The following MUC5AC variants were observed in gnomAD, a reference collection of about 807,000 sequenced individuals.
MUC5AC encodes the protein mucin-5AC.
Under a neutral mutation model 169.7 loss-of-function variants are expected in MUC5AC, and 158 were observed. That is an observed-to-expected ratio of 0.93 (90% CI 0.82 to 1.06). MUC5AC has a LOEUF of 1.06. MUC5AC is among the 50% of genes least tolerant of loss of function. The pLI is 0.00. For synonymous variants in MUC5AC, 1,975 were observed against 1,237.0 expected, an observed-to-expected ratio of 1.60 and a Z score of -12.52; for missense variants, 4,359 against 3,089.9, an observed-to-expected ratio of 1.41 and a Z score of -9.74.
At chr11:1,171,815 C>T (rs2133737138) in intron 15 of MUC5AC, among the ~76,000 whole-genome samples, 1 of 147,264 alleles carries the variant, frequency 6.8e-6, no homozygotes, top group East Asian at 2.1e-4. Flanking sequence ...CATTCACTCA[C>T]TCACCCACTC....
rs1320744673 is a variant in MUC5AC, at chr11:1,175,152, T to A, written c.2348+15T>A. ...GGGGCTATCTGGTAAGAGCTCCCGC[T>A]GTGGACTGGGGGGTCCCTCGTGTCT... On this transcript the variant is annotated intron_variant, in intron 18 of 48. Coordinates refer to ENST00000621226, the MANE Select transcript of MUC5AC (RefSeq NM_001304359.2). 6.0e-6 allele frequency: 2 copies of A among 331,142 alleles called. No homozygotes were observed. Among genetic ancestry groups the A allele is most frequent in the African/African-American group, 4.9e-5 (2 of 40,538 alleles). 20.5% of individuals were successfully genotyped at this position (331,142 alleles called of 1,614,324 possible).
chr11:1,167,859 G>T lies in MUC5AC; in HGVS notation c.1387-18G>T, dbSNP rs1382228520. The T allele has an allele frequency of 1.9e-6, 3 of 1,547,114 alleles. No individual in the cohort carries two copies. The Admixed American group carries it at 5.9e-5, about 30-fold the overall frequency. ...GTTGGATGGAGTGTGAGGACCCCTG[G>T]TGTGTCGTGTTCCGCAGCCCTGTGA... On this transcript the variant is annotated intron_variant, in intron 11 of 48. Transcript: ENST00000621226.
At position 1,194,535 on chromosome 11, in the gene MUC5AC, A is replaced by C. The variant is rs762696801; in HGVS notation, c.15055A>C (p.Ile5019Leu). The C allele has an allele frequency of 1.3e-6, 1 of 763,672 alleles. No homozygotes were observed. The highest frequency in any genetic ancestry group is 2.4e-6 in the Non-Finnish European group (1 of 416,984). 47.3% of individuals were successfully genotyped at this position (763,672 alleles called of 1,614,324 possible). Residue 5019 changes from isoleucine (I) to leucine (L), a missense_variant, in exon 35 of 49, where the codon ATC becomes CTC. By Grantham distance (5) the Ile-to-Leu change is conservative (BLOSUM62 2). Transcript: ENST00000621226. The stretch of plus-strand genomic sequence containing the variant: ...CAGCCCCGGCTTCCGGAAAAACGGC[A>C]TCGTGGTCTCGCGCATCGGCGTCAA... ...VVSPGFRKNG[I>L]VVSRIGVKMY...
rs1304495285 is a variant in MUC5AC, at chr11:1,186,166, C to T, written c.8021C>T (p.Thr2674Ile). The change falls in exon 31 of 49, where the codon ACC (threonine) becomes ATC (isoleucine). Residue 2674 changes from threonine to isoleucine, a missense_variant. Physicochemically the swap from Thr to Ile is moderately conservative, Grantham distance 89. Coordinates refer to ENST00000621226, the MANE Select transcript of MUC5AC (RefSeq NM_001304359.2). ...ACCAGCACAATCTCTGTTCCTACCA[C>T]CAGCACAACTTCTGCTTCTACAACC... The part of the protein sequence containing the change: ...PTTSTISVPT[T>I]STTSASTTST... The T allele has an allele frequency of 8.0e-6, 6 of 747,618 alleles. No individual in the cohort carries two copies. Among genetic ancestry groups the T allele is most frequent in the Non-Finnish European group, 1.5e-5 (6 of 408,480 alleles). The allele number at this position is 747,618 out of a possible 1,614,324, so 46.3% of individuals were successfully genotyped here.
At chr11:1,193,928 C>G (rs1416400556) in intron 33 of MUC5AC, among the ~76,000 whole-genome samples, 182 bp from the exon 34 acceptor site, 1 of 152,244 alleles carries the variant, frequency 6.6e-6, no homozygotes, top group African/African-American at 2.4e-5. Flanking sequence ...TGTCAAGCGC[C>G]CGCTGGATGG....
Position 1,195,872 on chromosome 11 carries a change from A to AACCC in MUC5AC, c.15459-4_15459-3insACCC. On this transcript the variant is annotated splice_region_variant and splice_polypyrimidine_tract_variant and intron_variant, in intron 36 of 48. Coordinates refer to ENST00000621226, the MANE Select transcript of MUC5AC (RefSeq NM_001304359.2). ...ACCCAGCACCCTGCCCATCCCTCCC[A>AACCC]CAGGGTCTTTGAGCCGTGCCACACT... The AACCC allele has an allele frequency of 1.5e-6, 1 of 685,772 alleles. No homozygotes were observed. Among genetic ancestry groups the AACCC allele is most frequent in the Non-Finnish European group, 2.7e-6 (1 of 370,558 alleles). 42.5% of individuals were successfully genotyped at this position (685,772 alleles called of 1,614,324 possible). A position where few individuals can be genotyped will look rare whatever the true frequency, so the allele number is the denominator to read the frequency against.
At position 1,189,513 on chromosome 11, in the gene MUC5AC, A is replaced by G. The variant is rs2133763991; in HGVS notation, c.11368A>G (p.Ser3790Gly). Residue 3790 changes from serine to glycine, a missense_variant, in exon 31 of 49, where the codon AGC becomes GGC. Transcript: ENST00000621226. ...TTSTTSAPIT[S>G]TISAPTTSTT... ...TAGCACTACCTCTGCTCCCATAACCAGCACAATCTCTGCCCCTACAACCAG... is the reference window on the plus strand; with the variant it reads ...TAGCACTACCTCTGCTCCCATAACCGGCACAATCTCTGCCCCTACAACCAG... The G allele has an allele frequency of 1.7e-6, 1 of 596,744 alleles. No individual in the cohort carries two copies. Among genetic ancestry groups the G allele is most frequent in the South Asian group, 2.1e-5 (1 of 46,746 alleles). The allele number at this position is 596,744 out of a possible 1,614,324, so 37.0% of individuals were successfully genotyped here.
Position 1,173,898 on chromosome 11 carries a change from A to AC in MUC5AC, c.1966-598_1966-597insC, listed in dbSNP as rs1440337882. Among the ~76,000 whole-genome samples the AC allele has an allele frequency of 2.2e-3, 304 of 141,072 alleles. 5 individuals are homozygous for AC. The highest frequency in any genetic ancestry group is 7.3e-3 in the African/African-American group (271 of 37,288). The allele number at this position is 141,072 out of a possible 152,430, so 92.5% of individuals were successfully genotyped here. On this transcript the variant is annotated intron_variant, in intron 16 of 48. Transcript: ENST00000621226. ...CACTCACCCACTCACTCATCCACTC[A>AC]TTACTCATCCACTCACTTACTCATC...
At position 1,190,701 on chromosome 11, in the gene MUC5AC, A is replaced by G. The variant is rs1393403518; in HGVS notation, c.12556A>G (p.Ile4186Val). Residue 4186 changes from isoleucine (I) to valine (V), a missense_variant, in exon 31 of 49, where the codon ATC (isoleucine) becomes GTC (valine). Ile to Val is a conservative substitution (Grantham distance 29). Coordinates refer to ENST00000621226, the MANE Select transcript of MUC5AC (RefSeq NM_001304359.2). Reference protein sequence around the residue: ...STISASTTSTISAPTTSTISS... With the variant: ...STISASTTSTVSAPTTSTISS... ...AATCTCTGCCTCTACAACCAGCACAATCTCTGCCCCTACAACCAGCACAAT... is the reference window on the plus strand; with the variant it reads ...AATCTCTGCCTCTACAACCAGCACAGTCTCTGCCCCTACAACCAGCACAAT... 2 of 697,026 alleles carry G rather than the reference A, an allele frequency of 2.9e-6. No homozygotes were observed. The highest frequency in any genetic ancestry group is 2.0e-5 in the Admixed American group (1 of 49,742). The allele number at this position is 697,026 out of a possible 1,614,324, so 43.2% of individuals were successfully genotyped here.
Position 1,168,978 on chromosome 11 carries a change from A to C in MUC5AC, c.1822A>C (p.Asn608His), listed in dbSNP as rs1860414570. The change falls in exon 15 of 49, where the codon AAC becomes CAC. Residue 608 changes from asparagine to histidine, a missense_variant. Physicochemically the swap from Asn to His is moderately conservative, Grantham distance 68. Transcript: ENST00000621226. Reference protein sequence around the residue: ...NTFKTQAACPNIRNSFEDPCS... With the variant: ...NTFKTQAACPHIRNSFEDPCS... ...CTTCAAGACCCAGGCCGCCTGCCCC[A>C]ACATCAGGAACAGCTTCGAGGACCC... 1 of 1,609,764 alleles carries C rather than the reference A, an allele frequency of 6.2e-7. No homozygotes were observed. The highest frequency in any genetic ancestry group is 8.5e-7 in the Non-Finnish European group (1 of 1,178,336).
rs775406660 is a variant in MUC5AC, at chr11:1,164,531, G to T, written c.1128G>T (p.Glu376Asp). Reference protein sequence around the residue: ...DHCVAGCFCPEGTVLDDIGQT... With the variant: ...DHCVAGCFCPDGTVLDDIGQT... ...GTGTGGCCGGCTGCTTCTGCCCTGA[G>T]GGTGAGGCTCCCCCGCCCCTGGGAA... is the stretch of plus-strand genomic sequence containing the variant. The change falls in exon 9 of 49, where the codon GAG becomes GAT. Residue 376 changes from glutamate to aspartate, a missense_variant and splice_region_variant. Coordinates refer to ENST00000621226, the MANE Select transcript of MUC5AC (RefSeq NM_001304359.2). 1.2e-6 allele frequency: 2 copies of T among 1,607,672 alleles called. No homozygotes were observed. Among genetic ancestry groups the T allele is most frequent in the Admixed American group, 1.7e-5 (1 of 59,440 alleles).
chr11:1,174,358 G>A, intron 16 of MUC5AC, 138 bp from the exon 17 acceptor site: 1 of 567,188 alleles, frequency 1.8e-6, no homozygotes, highest in South Asian at 2.2e-5. Context: ...TGCCTGTGAG[G>A]ACTCACAGAG....
At chr11:1,198,101 A>T in intron 42 of MUC5AC, 97 bp downstream of exon 42, 1 of 646,144 alleles carries the variant, frequency 1.5e-6, no homozygotes, top group Non-Finnish European at 2.8e-6. Context: ...CGGCTTGTCC[A>T]CTGCGGGTCT....
rs1276546337 is a variant in MUC5AC, at chr11:1,181,018, GTT to G, written c.3777-120_3777-119del. 1.3e-3 allele frequency: 499 copies of G among 398,250 alleles called. 2 individuals carry two copies. Among genetic ancestry groups the G allele is most frequent in the African/African-American group, 9.1e-3 (446 of 48,744 alleles). The allele number at this position is 398,250 out of a possible 1,614,324, so 24.7% of individuals were successfully genotyped here. ...TCCCCCAGTCTGGGGGTGCAATGCA[GTT>G]CCCAGGGAACTCCACCCCTGTCGGA... On this transcript the variant is annotated intron_variant, in intron 28 of 48. Transcript: ENST00000621226.
intron 10 of MUC5AC, 56 bp from the exon 11 acceptor site, chr11:1,165,566 G>A (rs531470408): frequency 1.6e-5 from 25 of 1,604,938 alleles, no homozygotes; most frequent in Admixed American, 1.5e-4. Context: ...TGACGCGGAG[G>A]CTGGAGGCTG....
Position 1,198,981 on chromosome 11 carries a change from C to T in MUC5AC, c.16281C>T (p.Asn5427=), listed in dbSNP as rs1221308878. ...FVVSCETQIC[N]THCPVGFEYQ... is the part of the protein sequence containing the mutation. ...TCAGCTGTGAGACCCAGATCTGCAA[C>T]ACACACTGCCCTGTGGTGAGCGCTC... is the stretch of plus-strand genomic sequence containing the variant. Residue 5427 remains asparagine (N), a synonymous_variant, in exon 44 of 49, where the codon AAC becomes AAT. Coordinates refer to ENST00000621226, the MANE Select transcript of MUC5AC (RefSeq NM_001304359.2). 1.3e-5 allele frequency: 10 copies of T among 764,438 alleles called. No individual in the cohort carries two copies. The highest frequency in any genetic ancestry group is 2.4e-5 in the East Asian group (1 of 41,194). 47.4% of individuals were successfully genotyped at this position (764,438 alleles called of 1,614,324 possible).
intron 1 of MUC5AC, 21 bp downstream of exon 1, chr11:1,158,093 G>A (rs1353909095): frequency 1.1e-5 from 18 of 1,580,520 alleles, no homozygotes; most frequent in South Asian, 5.7e-5. Context: ...GCCCCTGGCC[G>A]CTCTACTGGT....
In MUC5AC at chr11:1,165,461, G is replaced by A. The variant is rs1345936627; in HGVS notation, c.1247+42G>A. The A allele has an allele frequency of 3.8e-6, 6 of 1,597,878 alleles. No homozygotes were observed. The South Asian group carries it at 6.7e-5, about 18-fold the overall frequency. ...CTCCAGGCCACCAAGGATGTGCTATGGGACAGACCTGCTGGGGGTTGCAAC... is the reference window on the plus strand; with the variant it reads ...CTCCAGGCCACCAAGGATGTGCTATAGGACAGACCTGCTGGGGGTTGCAAC... On this transcript the variant is annotated intron_variant, in intron 10 of 48. Coordinates refer to ENST00000621226, the MANE Select transcript of MUC5AC (RefSeq NM_001304359.2).
At chr11:1,198,846 G>A (rs1861349739) in intron 43 of MUC5AC, 28 bp from the exon 44 acceptor site, 2 of 712,506 alleles carry the variant, frequency 2.8e-6, no homozygotes. Flanking sequence ...CCAAGCTCAT[G>A]AGTGTCTGCT....
Sources: allele counts gnomAD v4.1 joint callset (sites outside exome capture counted in the v4.1 genomes callset), GRCh38; gene constraint gnomAD v4.1.1; transcripts MANE v1.5; gene names NCBI Gene and HGNC (gene_info 2026-07-23, HGNC 2026-07-21).